Variants in LRP1B observed in about 807,000 individuals in gnomAD.
LRP1B encodes LDL receptor related protein 1B.
A neutral mutation model predicts 556.6 loss-of-function variants in LRP1B; 217 were observed. The observed-to-expected ratio is 0.39, with a 90% CI of 0.35 to 0.44. The LOEUF is 0.44. LRP1B is among the 20% of genes least tolerant of loss of function. The pLI, the probability that LRP1B is intolerant of heterozygous loss-of-function variation, is 1.00. For synonymous variants in LRP1B, 2,047 were observed against 1,865.8 expected, an observed-to-expected ratio of 1.10 and a Z score of -2.50; for missense variants, 5,053 against 5,620.8, an observed-to-expected ratio of 0.90 and a Z score of 3.23.
At chr2:140,465,604 C>G (rs985381127) in intron 60 of LRP1B, among the ~76,000 whole-genome samples, 2 of 151,928 alleles carry the variant, frequency 1.3e-5, no homozygotes, top group Non-Finnish European at 2.9e-5. Flanking sequence ...TCTTTTCGCA[C>G]ACTCCACCCC....
At chr2:141,665,533 C>T (rs898803740) in intron 2 of LRP1B, among the ~76,000 whole-genome samples, 4 of 152,102 alleles carry the variant, frequency 2.6e-5, no homozygotes, top group Non-Finnish European at 1.5e-5. Context: ...CCCCAAAGAC[C>T]TGGAACCAGA....
At chr2:141,269,666 C>A (rs939577068) in intron 3 of LRP1B, among the ~76,000 whole-genome samples, 4 of 151,926 alleles carry the variant, frequency 2.6e-5, no homozygotes, top group Non-Finnish European at 4.4e-5. Flanking sequence ...AAAAATAAAC[C>A]CCACTGTGGA....
In LRP1B at chr2:140,745,726, G is replaced by C. The variant is rs1219558593; in HGVS notation, c.5758+23487C>G. Among the ~76,000 whole-genome samples the C allele has an allele frequency of 1.8e-4, 28 of 152,018 alleles. 1 individual carries two copies. Among genetic ancestry groups the C allele is most frequent in the Admixed American group, 1.3e-4 (2 of 15,238 alleles). On this transcript the variant is annotated intron_variant, in intron 35 of 90. Coordinates refer to ENST00000389484, the MANE Select transcript of LRP1B (RefSeq NM_018557.3). ...GATCTTTCTTCACTTCCTACCCAAT[G>C]TAATAGTCATTTTGCCATCCTTGGT... is the stretch of plus-strand genomic sequence containing the variant.
chr2:141,696,140 T>G (rs1310150142), intron 2 of LRP1B, among the ~76,000 whole-genome samples: 2 of 151,942 alleles, frequency 1.3e-5, no homozygotes, highest in African/African-American at 2.4e-5. Flanking sequence ...AATTTATTCT[T>G]CCTCTATCAT....
At chr2:140,702,069 T>C in intron 39 of LRP1B, 72 bp downstream of exon 39, 1 of 1,530,576 alleles carries the variant, frequency 6.5e-7, no homozygotes, top group Non-Finnish European at 8.9e-7. Context: ...AAATGGTAAA[T>C]CCTACAAGGG....
chr2:140,419,783 G>C (rs1310459032), intron 66 of LRP1B, among the ~76,000 whole-genome samples: 1 of 152,108 alleles, frequency 6.6e-6, no homozygotes, highest in Non-Finnish European at 1.5e-5. Flanking sequence ...CAAAGCAAGT[G>C]GATCACTTGA....
At chr2:140,253,493 A>C in intron 86 of LRP1B, among the ~76,000 whole-genome samples, 1 of 152,248 alleles carries the variant, frequency 6.6e-6, no homozygotes, top group Non-Finnish European at 1.5e-5. Flanking sequence ...CCAACAAATG[A>C]TTCATAAAAG....
chr2:141,419,162 C>A (rs1680047353), intron 3 of LRP1B, among the ~76,000 whole-genome samples: 1 of 152,050 alleles, frequency 6.6e-6, no homozygotes, highest in Non-Finnish European at 1.5e-5. Flanking sequence ...TAACAGTGGG[C>A]ATCCTCTTAA....
chr2:141,895,071 AG>A lies in LRP1B; in HGVS notation c.83-84671del, dbSNP rs1016776597. ...CTCAAAAAAAAAAAAAAAAAAGAAA[AG>A]AAAAACAAGAAAGCCTAACTTATAT... On this transcript the variant is annotated intron_variant, in intron 1 of 90. Coordinates refer to ENST00000389484, the MANE Select transcript of LRP1B (RefSeq NM_018557.3). 8.6e-5 allele frequency among the ~76,000 whole-genome samples: 13 copies of A among 151,662 alleles called. No individual in the cohort carries two copies. The Middle Eastern group carries it at 0.01, about 119-fold the overall frequency.
intron 43 of LRP1B, among the ~76,000 whole-genome samples, chr2:140,553,819 G>C (rs1010202284): frequency 2.6e-5 from 4 of 152,046 alleles, no homozygotes; most frequent in Non-Finnish European, 5.9e-5. Context: ...GCCTAGAGAA[G>C]AGAGCCACAT....
chr2:142,083,380 A>G (rs542072150), intron 1 of LRP1B, among the ~76,000 whole-genome samples: 3 of 152,132 alleles, frequency 2.0e-5, no homozygotes, highest in African/African-American at 4.8e-5. Context: ...CGGTCCTTCA[A>G]TGTGCAGCCT....
At chr2:140,421,248 C>T (rs1282317228) in intron 66 of LRP1B, among the ~76,000 whole-genome samples, 1 of 152,052 alleles carries the variant, frequency 6.6e-6, no homozygotes, top group East Asian at 1.9e-4. Context: ...AAGCAAGATT[C>T]TGTCTCAAAA....
intron 1 of LRP1B, among the ~76,000 whole-genome samples, chr2:141,952,325 T>C (rs1231680183): frequency 6.6e-6 from 1 of 152,146 alleles, no homozygotes; most frequent in Non-Finnish European, 1.5e-5. Flanking sequence ...TGTGCATGTG[T>C]CTTTATAGCA....
chr2:141,966,782 T>C lies in LRP1B; in HGVS notation c.83-156381A>G, dbSNP rs1701577779. Among the ~76,000 whole-genome samples, 5 of 151,972 alleles carry C rather than the reference T, an allele frequency of 3.3e-5. No homozygotes were observed. In the South Asian group the frequency reaches 8.3e-4, roughly 25 times the overall value. On this transcript the variant is annotated intron_variant, in intron 1 of 90. Transcript: ENST00000389484. ...CATACTGTCAGATAACAGCACCCTA[T>C]GGATGTTCCGGTGGAGAAATCATTC...
At chr2:141,488,249 A>T (rs1683189862) in intron 2 of LRP1B, among the ~76,000 whole-genome samples, 1 of 152,110 alleles carries the variant, frequency 6.6e-6, no homozygotes, top group Non-Finnish European at 1.5e-5. Flanking sequence ...ATTGATTCCT[A>T]GTTGATATAA....
chr2:141,115,849 G>A (rs558651046), intron 7 of LRP1B, among the ~76,000 whole-genome samples: 2 of 152,072 alleles, frequency 1.3e-5, no homozygotes, highest in African/African-American at 4.8e-5. Context: ...AAAAACTAAA[G>A]AATTTTCATT....
intron 2 of LRP1B, among the ~76,000 whole-genome samples, chr2:141,733,611 C>T (rs928209071): frequency 6.6e-6 from 1 of 152,126 alleles, no homozygotes; most frequent in Non-Finnish European, 1.5e-5. Flanking sequence ...GCTCAAGGCT[C>T]TTCCTGATCC....
chr2:140,843,722 TC>T lies in LRP1B; in HGVS notation c.4940-2631del, dbSNP rs1692191556. 2.6e-5 allele frequency among the ~76,000 whole-genome samples: 4 copies of T among 152,110 alleles called. No homozygotes were observed. In the South Asian group the frequency reaches 8.3e-4, roughly 32 times the overall value. On this transcript the variant is annotated intron_variant, in intron 29 of 90. Transcript: ENST00000389484. ...CTTCAACCACAAAAACCTAATCATG[TC>T]TCTTGTGTATCTCAGCTGGAAAGAG...
In LRP1B at chr2:140,579,405, C is replaced by CTTAA. The variant is rs1438371064; in HGVS notation, c.7194+19222_7194+19225dup. On this transcript the variant is annotated intron_variant, in intron 43 of 90. Coordinates refer to ENST00000389484, the MANE Select transcript of LRP1B (RefSeq NM_018557.3). ...AATGATAGCTGGATTAGGTCCCTAA[C>CTTAA]TTAAGGCCAAAGTACCAGAAGACAT... is the stretch of plus-strand genomic sequence containing the variant. Among the ~76,000 whole-genome samples, 5 of 152,166 alleles carry CTTAA rather than the reference C, an allele frequency of 3.3e-5. No individual in the cohort carries two copies. In the East Asian group the frequency reaches 9.7e-4, roughly 29 times the overall value.
Sources: gnomAD v4.1 joint callset for allele counts (sites outside exome capture counted in the v4.1 genomes callset) on GRCh38, gnomAD v4.1.1 for gene constraint, MANE v1.5 for transcripts, NCBI Gene and HGNC (gene_info 2026-07-23, HGNC 2026-07-21) for gene names.